Variants in EYS observed in about 807,000 individuals in gnomAD.
The protein encoded by EYS is EGF-like photoreceptor maintenance factor.
In EYS, 250 loss-of-function variants were observed where a neutral mutation model predicts 282.1. The observed-to-expected ratio is 0.89, with a 90% confidence interval of 0.80 to 0.98. The LOEUF (loss-of-function observed/expected upper bound fraction) is 0.98. Among genes scored for constraint, EYS ranks in the 50% least tolerant of loss-of-function variants. The pLI, the probability that EYS is intolerant of heterozygous loss-of-function variation, is 0.00. For missense variants in EYS, 4,016 were observed against 3,709.0 expected, an observed-to-expected ratio of 1.08 and a Z score of -2.15; for synonymous variants, 1,355 against 1,282.9, an observed-to-expected ratio of 1.06 and a Z score of -1.20.
chr6:64,223,693 A>G (rs1347639054), intron 31 of EYS, among the ~76,000 whole-genome samples: 1 of 152,096 alleles, frequency 6.6e-6, no homozygotes, highest in Non-Finnish European at 1.5e-5. Flanking sequence ...AACTTTAAAC[A>G]TGTACTTTAT....
chr6:65,496,715 CAA>C (rs1443142961), intron 2 of EYS, among the ~76,000 whole-genome samples: 1 of 152,006 alleles, frequency 6.6e-6, no homozygotes, highest in East Asian at 1.9e-4. Context: ...TGTTATTGTA[CAA>C]TTTCATCCAG....
chr6:64,326,632 G>T (rs1770431492), intron 29 of EYS, among the ~76,000 whole-genome samples: 1 of 152,094 alleles, frequency 6.6e-6, no homozygotes. Context: ...GGGCCCATCT[G>T]GGATTGGAGA....
At chr6:64,007,762 A>G (rs540625233) in intron 33 of EYS, among the ~76,000 whole-genome samples, 1 of 152,244 alleles carries the variant, frequency 6.6e-6, no homozygotes, top group South Asian at 2.1e-4. Flanking sequence ...GTCATTCAGG[A>G]TCAGGTTGTT....
At chr6:65,410,866 T>C (rs1160822261) in intron 5 of EYS, among the ~76,000 whole-genome samples, 1 of 151,956 alleles carries the variant, frequency 6.6e-6, no homozygotes, top group Non-Finnish European at 1.5e-5. Context: ...TATTCAGCCA[T>C]ATAAAATAAT....
intron 35 of EYS, among the ~76,000 whole-genome samples, chr6:63,876,443 A>G (rs921843013): frequency 2.0e-5 from 3 of 152,218 alleles, no homozygotes; most frequent in African/African-American, 7.2e-5. Flanking sequence ...AAGAATGTAC[A>G]TTCTGTTGAT....
chr6:64,411,907 GTTTATATATGCATGCATGTATGTA>G (rs1773905358), intron 28 of EYS, among the ~76,000 whole-genome samples: 1 of 151,142 alleles, frequency 6.6e-6, no homozygotes, highest in Non-Finnish European at 1.5e-5. Context: ...ATGTATATAT[GTTTATATATGCATGCATGTATGTA>G]TATATGTTTA....
chr6:63,881,867 G>A (rs1581929766), intron 35 of EYS, among the ~76,000 whole-genome samples: 1 of 152,150 alleles, frequency 6.6e-6, no homozygotes, highest in African/African-American at 2.4e-5. Flanking sequence ...TGCAGGTCAA[G>A]CGACAAGGAA....
intron 2 of EYS, among the ~76,000 whole-genome samples, chr6:65,511,475 A>G (rs1317204780): frequency 6.6e-6 from 1 of 152,102 alleles, no homozygotes; most frequent in African/African-American, 2.4e-5. Context: ...TCTCCCATCT[A>G]CATGCTTCTA....
chr6:64,813,704 CTGT>C, intron 21 of EYS, 127 bp from the exon 22 acceptor site: 1 of 546,518 alleles, frequency 1.8e-6, no homozygotes, highest in East Asian at 3.4e-5. Flanking sequence ...TTTCCTTCCT[CTGT>C]TAATTGAAAT....
intron 29 of EYS, among the ~76,000 whole-genome samples, chr6:64,325,316 C>A (rs533434009): frequency 3.9e-5 from 6 of 152,294 alleles, no homozygotes; most frequent in African/African-American, 1.4e-4. Flanking sequence ...AGAGAGATAA[C>A]AATCATTGCA....
At chr6:65,501,670 TC>T (rs553512680) in intron 2 of EYS, among the ~76,000 whole-genome samples, 2 of 151,932 alleles carry the variant, frequency 1.3e-5, no homozygotes, top group East Asian at 3.9e-4. Context: ...TATTAACATT[TC>T]TTTAGCTTGT....
intron 37 of EYS, among the ~76,000 whole-genome samples, chr6:63,789,838 C>G (rs994098614): frequency 2.8e-4 from 42 of 152,162 alleles, no homozygotes; most frequent in Admixed American, 2.6e-4. Context: ...ACTCAGGAGA[C>G]AGTTCTTAAA....
intron 22 of EYS, among the ~76,000 whole-genome samples, chr6:64,742,191 A>G (rs1772397522): frequency 6.6e-6 from 1 of 151,374 alleles, no homozygotes; most frequent in Admixed American, 6.6e-5. Flanking sequence ...TTTATGTCTC[A>G]CCAAATAGAG....
At chr6:64,945,127 A>T (rs1054812764) in intron 15 of EYS, among the ~76,000 whole-genome samples, 20 of 148,876 alleles carry the variant, frequency 1.3e-4, no homozygotes, top group South Asian at 2.1e-4. Context: ...TCTCTATTAA[A>T]AAAAAAAAAA....
In EYS at chr6:64,591,824, G is replaced by A. The variant is rs534252763; in HGVS notation, c.4043C>T (p.Ser1348Phe). Reference sequence around the variant, plus strand: ...ACGAATACCAAAATTCAGGAATCGAGAAGAGGAAACATCTGCGGAAGAAAG... The same window carrying A: ...ACGAATACCAAAATTCAGGAATCGAAAAGAGGAAACATCTGCGGAAGAAAG... ...SLLSSADVSSSRFLNFGIRDP... is the reference protein window; with the variant it reads ...SLLSSADVSSFRFLNFGIRDP... Residue 1348 changes from serine (S) to phenylalanine (F), a missense_variant, in exon 26 of 43, where the codon TCT (serine) becomes TTT (phenylalanine). Transcript: ENST00000503581. 9 of 1,551,296 alleles carry A rather than the reference G, an allele frequency of 5.8e-6. No homozygotes were observed. The East Asian group carries it at 2.2e-4, about 38-fold the overall frequency.
intron 35 of EYS, among the ~76,000 whole-genome samples, chr6:63,910,086 T>A (rs971751380): frequency 6.6e-6 from 1 of 152,078 alleles, no homozygotes; most frequent in Non-Finnish European, 1.5e-5. Flanking sequence ...AAAAGAAGAC[T>A]GAAAAATGGG....
intron 28 of EYS, among the ~76,000 whole-genome samples, chr6:64,416,680 T>G (rs756721751): frequency 6.6e-6 from 1 of 152,198 alleles, no homozygotes; most frequent in African/African-American, 2.4e-5. Context: ...TTTAACTTTA[T>G]TTCTGCATTT....
intron 26 of EYS, among the ~76,000 whole-genome samples, chr6:64,545,883 A>C (rs1764845036): frequency 6.6e-6 from 1 of 152,210 alleles, no homozygotes; most frequent in Admixed American, 6.5e-5. Context: ...GATACAAACA[A>C]ATGGAAGAAC....
chr6:63,976,996 AATTGTACT>A lies in EYS; in HGVS notation c.7055+7379_7055+7386del, dbSNP rs1459159363. ...GTCTCTTTCTCTGAACTCTCTTTTT[AATTGTACT>A]ACAGTTTTTGTTTTTTTTCAGGAGA... On this transcript the variant is annotated intron_variant, in intron 35 of 42. Coordinates refer to ENST00000503581, the MANE Select transcript of EYS (RefSeq NM_001142800.2). Among the ~76,000 whole-genome samples, 17 of 151,932 alleles carry A rather than the reference AATTGTACT, an allele frequency of 1.1e-4. 1 individual carries two copies. In the South Asian group the frequency reaches 3.1e-3, roughly 28 times the overall value.
Sources: gnomAD v4.1 joint callset for allele counts (sites outside exome capture counted in the v4.1 genomes callset) on GRCh38, gnomAD v4.1.1 for gene constraint, MANE v1.5 for transcripts, NCBI Gene and HGNC (gene_info 2026-07-23, HGNC 2026-07-21) for gene names.